The following TENM1 variants were observed in gnomAD, a reference collection of about 807,000 sequenced individuals.
TENM1 encodes the protein teneurin transmembrane protein 1.
TENM1 carries 35 observed loss-of-function variants against 174.8 expected under a neutral mutation model. The ratio of observed to expected loss-of-function variants is 0.20; its 90% confidence interval spans 0.15 to 0.27. The LOEUF is 0.27. TENM1 is among the 10% of genes least tolerant of loss of function. The pLI, the probability that TENM1 is intolerant of heterozygous loss-of-function variation, is 1.00. For synonymous variants in TENM1, 781 were observed against 798.7 expected (o/e 0.98, Z 0.37); for missense variants, 1,633 against 2,130.1 (o/e 0.77, Z 4.59).
chrX:124,395,053 C>T (rs2060319390), intron 27 of TENM1, among the ~76,000 whole-genome samples: 1 of 111,561 alleles, frequency 9.0e-6, no homozygotes, highest in Admixed American at 9.5e-5. Flanking sequence ...CTGATGCAAC[C>T]TGAGAGATTA....
chrX:124,941,107 T>C (rs773594738), intron 1 of TENM1, among the ~76,000 whole-genome samples: 1 of 111,439 alleles, frequency 9.0e-6, no homozygotes, highest in African/African-American at 3.3e-5. Flanking sequence ...ATCCCATCAC[T>C]TCTCAGCCAA....
chrX:124,955,790 C>T (rs764336677), intron 1 of TENM1, among the ~76,000 whole-genome samples: 25 of 92,940 alleles, frequency 2.7e-4, no homozygotes, highest in African/African-American at 1.1e-3. Flanking sequence ...ATACAACACA[C>T]GCGCACGCAC....
At chrX:124,605,819 C>T (rs1271369583) in intron 11 of TENM1, among the ~76,000 whole-genome samples, 1 of 111,751 alleles carries the variant, frequency 8.9e-6, no homozygotes, top group Admixed American at 9.5e-5. Flanking sequence ...TTTCAATTAG[C>T]ATACATATTT....
chrX:124,665,175 T>TA (rs1264090527), intron 6 of TENM1, among the ~76,000 whole-genome samples: 2 of 110,920 alleles, frequency 1.8e-5, no homozygotes, highest in South Asian at 3.9e-4. Flanking sequence ...CTGTCTCCAT[T>TA]AAAAAAATTA....
At chrX:124,994,003 A>G in the TENM1 span, among the ~76,000 whole-genome samples, 1 of 109,763 alleles carries the variant, frequency 9.1e-6, no homozygotes, top group Non-Finnish European at 1.9e-5. Context: ...GTATAGCCCT[A>G]TTTTCATGAT....
the TENM1 span, among the ~76,000 whole-genome samples, chrX:125,083,836 G>A: frequency 2.5e-4 from 28 of 110,872 alleles, no homozygotes; most frequent in African/African-American, 8.2e-4. Flanking sequence ...TTATTGCCCT[G>A]TTAGCCTAGA....
At chrX:124,379,246 T>C (rs1246517507) in exon 32 of TENM1, 1 of 111,956 alleles carries the variant, frequency 8.9e-6, no homozygotes, top group Non-Finnish European at 1.9e-5. Context: ...TAAAGATAAA[T>C]GGGTAAGTAC....
At chrX:125,079,499 AT>A in the TENM1 span, among the ~76,000 whole-genome samples, 1 of 112,157 alleles carries the variant, frequency 8.9e-6, no homozygotes, top group Non-Finnish European at 1.9e-5. Context: ...CTTTCTGTAT[AT>A]TCCAAGTATT....
chrX:125,097,928 G>A, the TENM1 span, among the ~76,000 whole-genome samples: 2 of 110,440 alleles, frequency 1.8e-5, no homozygotes, highest in Non-Finnish European at 3.8e-5. Context: ...TAAAAATCTG[G>A]TATGTTAAAA....
chrX:124,974,888 C>CTATATATATATATATA, the TENM1 span, among the ~76,000 whole-genome samples: 17 of 72,752 alleles, frequency 2.3e-4, 1 homozygote, highest in Admixed American at 8.6e-4. Context: ...GGGACTGACA[C>CTATATATATATATATA]TATATATATA....
intron 1 of TENM1, among the ~76,000 whole-genome samples, chrX:124,923,572 G>C (rs892507518): frequency 4.5e-5 from 5 of 111,916 alleles, no homozygotes; most frequent in African/African-American, 1.6e-4. Context: ...AAATATGTTA[G>C]GTTACATGGC....
At chrX:124,727,034 C>A (rs1362989489) in intron 4 of TENM1, among the ~76,000 whole-genome samples, 1 of 112,141 alleles carries the variant, frequency 8.9e-6, no homozygotes, top group Non-Finnish European at 1.9e-5. Context: ...GTAAAAATAA[C>A]CCTGTAGACT....
chrX:125,180,512 AT>A, the TENM1 span, among the ~76,000 whole-genome samples: 93 of 106,468 alleles, frequency 8.7e-4, no homozygotes, highest in African/African-American at 2.9e-3. Flanking sequence ...CTCTAAAAAA[AT>A]AATAATAAAT....
intron 4 of TENM1, among the ~76,000 whole-genome samples, chrX:124,728,701 ATGG>A (rs1209275777): frequency 9.0e-6 from 1 of 111,449 alleles, no homozygotes; most frequent in Non-Finnish European, 1.9e-5. Flanking sequence ...AACACTTGTG[ATGG>A]TACTGTTATT....
the TENM1 span, among the ~76,000 whole-genome samples, chrX:124,977,849 T>G: frequency 9.1e-6 from 1 of 109,970 alleles, no homozygotes; most frequent in Non-Finnish European, 1.9e-5. Context: ...GTTGTGTTAT[T>G]CTGCCCCTTT....
At chrX:125,106,482 T>C in the TENM1 span, among the ~76,000 whole-genome samples, 1 of 108,555 alleles carries the variant, frequency 9.2e-6, no homozygotes, top group East Asian at 2.9e-4. Flanking sequence ...TGATCTCAGC[T>C]CACTGCAAGC....
chrX:124,824,931 C>A (rs369259706), intron 3 of TENM1, among the ~76,000 whole-genome samples: 25 of 110,717 alleles, frequency 2.3e-4, no homozygotes, highest in African/African-American at 8.2e-4. Context: ...ATAAATTAAC[C>A]CCACATCCTA....
At chrX:124,565,583 A>G in intron 11 of TENM1, 23 bp from the exon 15 acceptor site, 4 of 1,056,830 alleles carry the variant, frequency 3.8e-6, no homozygotes, top group Non-Finnish European at 5.0e-6. Flanking sequence ...CAAAGAAGAC[A>G]TATTAACATA....
Position 124,444,270 on chromosome X carries a change from T to C in TENM1, c.4104+9067A>G, listed in dbSNP as rs189831463. Among the ~76,000 whole-genome samples the C allele has an allele frequency of 5.3e-3, 598 of 111,913 alleles. 5 individuals carry two copies. The highest frequency in any genetic ancestry group is 7.6e-3 in the Non-Finnish European group (406 of 53,137). ...TTGGACTAACTCAAACAACATGGAA[T>C]TGAATAGAGACTAAGGCAGGACCCA... On this transcript the variant is annotated intron_variant, in intron 23 of 31. Coordinates refer to ENST00000422452, the Ensembl canonical transcript of TENM1.
Sources: gnomAD v4.1 joint callset for allele counts (sites outside exome capture counted in the v4.1 genomes callset) on GRCh38, gnomAD v4.1.1 for gene constraint, MANE v1.5 for transcripts, NCBI Gene and HGNC (gene_info 2026-07-23, HGNC 2026-07-21) for gene names.